TMEM177: variants seen among roughly 807,000 people sequenced by gnomAD.
The protein encoded by TMEM177 is transmembrane protein 177.
A neutral mutation model predicts 14.2 loss-of-function variants in TMEM177; 4 were observed. The ratio of observed to expected loss-of-function variants is 0.28; its 90% confidence interval spans 0.14 to 0.64. TMEM177 has a LOEUF of 0.64. Among genes scored for constraint, TMEM177 ranks in the 30% least tolerant of loss-of-function variants. The pLI is 0.82. For missense variants in TMEM177, 344 were observed against 405.2 expected (o/e 0.85, Z 1.30); for synonymous variants, 179 against 174.5 (o/e 1.03, Z -0.20).
At chr2:119,721,129 A>C in the TMEM177 span, among the ~76,000 whole-genome samples, 4 of 152,318 alleles carry the variant, frequency 2.6e-5, no homozygotes, top group South Asian at 2.1e-4. Flanking sequence ...TTATGCTGAG[A>C]TGGCTCAGGA....
the TMEM177 span, among the ~76,000 whole-genome samples, chr2:119,717,254 C>T: frequency 3.1e-3 from 470 of 151,658 alleles, 3 homozygotes; most frequent in African/African-American, 0.011. Context: ...CGCTTGAACT[C>T]GGGAGGCAGA....
the TMEM177 span, among the ~76,000 whole-genome samples, chr2:119,708,495 A>G: frequency 6.6e-6 from 1 of 152,174 alleles, no homozygotes; most frequent in South Asian, 2.1e-4. Flanking sequence ...TCCATATTCA[A>G]ATTCCCCCGA....
the TMEM177 span, among the ~76,000 whole-genome samples, chr2:119,714,601 C>G: frequency 6.6e-6 from 1 of 152,238 alleles, no homozygotes; most frequent in South Asian, 2.1e-4. Flanking sequence ...CAAATGACCA[C>G]TCCTTCGATC....
the TMEM177 span, among the ~76,000 whole-genome samples, chr2:119,711,126 G>A: frequency 1.3e-5 from 2 of 152,210 alleles, no homozygotes; most frequent in Non-Finnish European, 2.9e-5. Context: ...CTGGCTCGAG[G>A]CAGGCTGGTC....
chr2:119,680,671 C>T (rs894337090), intron 1 of TMEM177, among the ~76,000 whole-genome samples, 161 bp from the exon 2 acceptor site: 1 of 152,166 alleles, frequency 6.6e-6, no homozygotes, highest in African/African-American at 2.4e-5. Context: ...CGCACAGAGA[C>T]GGAGCTGGGA....
chr2:119,689,054 C>T (rs925254958), downstream of TMEM177, among the ~76,000 whole-genome samples: 4 of 152,182 alleles, frequency 2.6e-5, no homozygotes, highest in Admixed American at 2.6e-4. Context: ...TGAGGCCCAT[C>T]CTCCCCACTC....
At chr2:119,709,043 G>T in the TMEM177 span, among the ~76,000 whole-genome samples, 1 of 152,078 alleles carries the variant, frequency 6.6e-6, no homozygotes, top group African/African-American at 2.4e-5. Context: ...TCATCTTATG[G>T]ATAAAAAAAC....
chr2:119,692,396 G>C, the TMEM177 span, among the ~76,000 whole-genome samples: 1 of 152,346 alleles, frequency 6.6e-6, no homozygotes. Flanking sequence ...TCCAGCCAGT[G>C]TGAAGGCCTG....
At chr2:119,721,095 G>A in the TMEM177 span, among the ~76,000 whole-genome samples, 1 of 152,186 alleles carries the variant, frequency 6.6e-6, no homozygotes, top group Non-Finnish European at 1.5e-5. Flanking sequence ...TGTTATTCAT[G>A]AGCTCCATGG....
the TMEM177 span, among the ~76,000 whole-genome samples, chr2:119,714,734 A>G: frequency 2.0e-5 from 3 of 152,220 alleles, no homozygotes; most frequent in African/African-American, 7.2e-5. Context: ...TGCAAGCCCC[A>G]GGGGGCTGCT....
At chr2:119,720,063 T>C in the TMEM177 span, among the ~76,000 whole-genome samples, 1 of 152,054 alleles carries the variant, frequency 6.6e-6, no homozygotes, top group Admixed American at 6.6e-5. Flanking sequence ...CCCAAAGTGC[T>C]AGGATTATAG....
chr2:119,680,353 G>A (rs781220140), intron 1 of TMEM177, among the ~76,000 whole-genome samples: 2 of 152,150 alleles, frequency 1.3e-5, no homozygotes, highest in African/African-American at 2.4e-5. Flanking sequence ...TAGGTCATGG[G>A]GTTGTGAGGG....
At chr2:119,701,968 G>A in the TMEM177 span, among the ~76,000 whole-genome samples, 15 of 152,350 alleles carry the variant, frequency 9.8e-5, no homozygotes, top group East Asian at 2.7e-3. Context: ...AGGGTCTGCA[G>A]AATATCTCAA....
intron 1 of TMEM177, chr2:119,679,481 T>C (rs1688838899): frequency 2.0e-5 from 3 of 151,822 alleles, no homozygotes; most frequent in South Asian, 2.1e-4. Flanking sequence ...ACTTTCCGCA[T>C]TGGGAAAAAA....
the TMEM177 span, among the ~76,000 whole-genome samples, chr2:119,701,751 T>G: frequency 6.6e-6 from 1 of 152,176 alleles, no homozygotes; most frequent in Non-Finnish European, 1.5e-5. Flanking sequence ...CTGAAGTCAG[T>G]CTCTATTATT....
chr2:119,680,617 G>A (rs1242132255), intron 1 of TMEM177, among the ~76,000 whole-genome samples: 1 of 152,204 alleles, frequency 6.6e-6, no homozygotes, highest in Non-Finnish European at 1.5e-5. Context: ...CCACCCTAGA[G>A]GTGGGCCATT....
chr2:119,688,167 G>T (rs75765825), downstream of TMEM177, among the ~76,000 whole-genome samples: 514 of 152,244 alleles, frequency 3.4e-3, 25 homozygotes, highest in East Asian at 0.093. Flanking sequence ...GGAAATACTA[G>T]TTATAAATAT....
the TMEM177 span, among the ~76,000 whole-genome samples, chr2:119,721,618 A>T: frequency 6.6e-6 from 1 of 152,192 alleles, no homozygotes; most frequent in Non-Finnish European, 1.5e-5. Flanking sequence ...ACAGTCTTGT[A>T]GGGGACCGTG....
chr2:119,690,942 C>A (rs944862617), downstream of TMEM177, among the ~76,000 whole-genome samples: 2 of 152,226 alleles, frequency 1.3e-5, no homozygotes, highest in African/African-American at 4.8e-5. Flanking sequence ...GCAGGGACAC[C>A]CTCACTTTCC....
Sources: allele counts gnomAD v4.1 joint callset (sites outside exome capture counted in the v4.1 genomes callset), GRCh38; gene constraint gnomAD v4.1.1; transcripts MANE v1.5; gene names NCBI Gene and HGNC (gene_info 2026-07-23, HGNC 2026-07-21).